RCOR1: variants seen among roughly 807,000 people sequenced by gnomAD.
RCOR1 encodes the protein REST corepressor 1.
A neutral mutation model predicts 64.0 loss-of-function variants in RCOR1; 12 were observed. The ratio of observed to expected loss-of-function variants is 0.19; its 90% CI spans 0.12 to 0.30. The LOEUF is 0.30. Among genes scored for constraint, RCOR1 ranks in the 10% least tolerant of loss-of-function variants. RCOR1 has a pLI of 1.00. For synonymous variants in RCOR1, 279 were observed against 227.2 expected, an observed-to-expected ratio of 1.23 and a Z score of -2.05; for missense variants, 502 against 621.2, an observed-to-expected ratio of 0.81 and a Z score of 2.04.
intron 2 of RCOR1, among the ~76,000 whole-genome samples, chr14:102,608,761 G>T (rs1440877327): frequency 6.6e-6 from 1 of 150,944 alleles, no homozygotes; most frequent in Non-Finnish European, 1.5e-5. Context: ...GACGGGGTTT[G>T]TTTATGTTGG....
chr14:102,684,416 G>A (rs1280317438), intron 3 of RCOR1, among the ~76,000 whole-genome samples: 1 of 152,118 alleles, frequency 6.6e-6, no homozygotes, highest in Admixed American at 6.5e-5. Context: ...GCATAAAAAA[G>A]GATTGACTTT....
intron 8 of RCOR1, among the ~76,000 whole-genome samples, chr14:102,719,792 A>G (rs143780840): frequency 4.6e-4 from 70 of 152,336 alleles, no homozygotes; most frequent in Non-Finnish European, 7.9e-4. Context: ...TGTACTATCT[A>G]TGAACAACCA....
chr14:102,654,004 GA>G (rs1218871399), intron 2 of RCOR1, among the ~76,000 whole-genome samples: 4 of 13,850 alleles, frequency 2.9e-4, no homozygotes, highest in African/African-American at 1.3e-3. Context: ...TTTTTTTTTT[GA>G]GACGGAGTCT....
At chr14:102,594,446 G>A (rs936829847) in intron 2 of RCOR1, among the ~76,000 whole-genome samples, 2 of 152,160 alleles carry the variant, frequency 1.3e-5, no homozygotes, top group African/African-American at 2.4e-5. Flanking sequence ...TTGCTCTCAA[G>A]CTGTTATTAA....
At chr14:102,632,622 T>C (rs1894139457) in intron 2 of RCOR1, among the ~76,000 whole-genome samples, 1 of 34,966 alleles carries the variant, frequency 2.9e-5, no homozygotes, top group South Asian at 1.1e-3. Context: ...TCCTTTCCTT[T>C]CCTTTCCTTT....
At chr14:102,627,630 C>T (rs1894006960) in intron 2 of RCOR1, among the ~76,000 whole-genome samples, 1 of 151,656 alleles carries the variant, frequency 6.6e-6, no homozygotes, top group African/African-American at 2.4e-5. Context: ...GCACTCCAGC[C>T]TGGGCGACAG....
chr14:102,724,406 C>T (rs1322811330), intron 11 of RCOR1, among the ~76,000 whole-genome samples: 1 of 152,032 alleles, frequency 6.6e-6, no homozygotes, highest in Non-Finnish European at 1.5e-5. Context: ...CTCACTGCAA[C>T]CTCCATCTCC....
At chr14:102,679,624 G>A (rs762685957) in intron 2 of RCOR1, among the ~76,000 whole-genome samples, 19 of 151,928 alleles carry the variant, frequency 1.3e-4, no homozygotes, top group African/African-American at 4.1e-4. Context: ...GACTACAGGC[G>A]CCCGCCACCA....
At chr14:102,628,221 A>G (rs1451547985) in intron 2 of RCOR1, among the ~76,000 whole-genome samples, 2 of 152,186 alleles carry the variant, frequency 1.3e-5, no homozygotes, top group African/African-American at 4.8e-5. Flanking sequence ...TAAGGAGGGC[A>G]GTCTGCTTTA....
At chr14:102,601,164 A>G (rs865833858) in intron 2 of RCOR1, among the ~76,000 whole-genome samples, 40 of 151,860 alleles carry the variant, frequency 2.6e-4, no homozygotes, top group South Asian at 6.2e-4. Context: ...ACTCCAGCCT[A>G]GGTGACAAAG....
intron 2 of RCOR1, among the ~76,000 whole-genome samples, chr14:102,606,212 C>T (rs187787564): frequency 4.4e-4 from 67 of 152,306 alleles, no homozygotes; most frequent in African/African-American, 1.5e-3. Context: ...AGGCATGAGC[C>T]ACCGTGCCCG....
At chr14:102,614,725 T>C (rs1039283800) in intron 2 of RCOR1, among the ~76,000 whole-genome samples, 3 of 152,192 alleles carry the variant, frequency 2.0e-5, no homozygotes, top group Admixed American at 1.3e-4. Context: ...AGGGCCGAAC[T>C]CTATAAACTA....
rs920092545 is a variant in RCOR1 at position 102,659,317 on chromosome 14, T to A, written c.362-22578T>A. The A allele has an allele frequency of 9.3e-6, 9 of 967,294 alleles. No homozygotes were observed. In the African/African-American group the frequency reaches 1.4e-4, roughly 15 times the overall value. 59.9% of individuals were successfully genotyped at this position (967,294 alleles called of 1,614,324 possible). On this transcript the variant is annotated intron_variant, in intron 2 of 11. Transcript: ENST00000262241. ...TCATCTGATCAGCATTTATAAATAGTGAGGTACCAGAATCATTAAGGCTCA... is the reference window on the plus strand; with the variant it reads ...TCATCTGATCAGCATTTATAAATAGAGAGGTACCAGAATCATTAAGGCTCA...
At chr14:102,723,808 C>T (rs1489069822) in intron 11 of RCOR1, among the ~76,000 whole-genome samples, 1 of 152,154 alleles carries the variant, frequency 6.6e-6, no homozygotes, top group Non-Finnish European at 1.5e-5. Flanking sequence ...TTTCCGGCTT[C>T]GGTCCCAGGA....
At chr14:102,701,727 A>T (rs1232619283) in intron 4 of RCOR1, among the ~76,000 whole-genome samples, 3 of 152,124 alleles carry the variant, frequency 2.0e-5, no homozygotes, top group Non-Finnish European at 1.5e-5. Flanking sequence ...ATTTTGAATC[A>T]TTTTCAGTTT....
At chr14:102,658,560 C>G (rs1894771469) in intron 2 of RCOR1, 2 of 985,238 alleles carry the variant, frequency 2.0e-6, no homozygotes, top group African/African-American at 1.7e-5. Flanking sequence ...ACTCTTTTCT[C>G]AGGAACAGGA....
At position 102,698,451 on chromosome 14, in the gene RCOR1, C is replaced by A. The variant is rs560569244; in HGVS notation, c.446-2827C>A. On this transcript the variant is annotated intron_variant, in intron 3 of 11. Coordinates refer to ENST00000262241, the MANE Select transcript of RCOR1 (RefSeq NM_015156.4). The stretch of plus-strand genomic sequence containing the variant: ...ATCGTGCTACTGGTGATCATACATA[C>A]ATTCCTTACTCAGTTAAGGTAGATA... Among the ~76,000 whole-genome samples, 22 of 152,372 alleles carry A rather than the reference C, an allele frequency of 1.4e-4. No individual in the cohort carries two copies. In the South Asian group the frequency reaches 3.9e-3, roughly 27 times the overall value.
chr14:102,706,142 A>AAAAAAAAAAAAAAAAAAAAAAAAAAC (rs1281591870), intron 4 of RCOR1, among the ~76,000 whole-genome samples: 2 of 138,644 alleles, frequency 1.4e-5, no homozygotes, highest in African/African-American at 5.4e-5. Flanking sequence ...AAAAAAAAAA[A>AAAAAAAAAAAAAAAAAAAAAAAAAAC]CCTAAAAAAA....
chr14:102,600,251 C>T (rs906815161), intron 2 of RCOR1, among the ~76,000 whole-genome samples: 95 of 151,516 alleles, frequency 6.3e-4, no homozygotes, highest in African/African-American at 2.3e-3. Context: ...CCACGCCCGG[C>T]TAATTTTTTA....
Sources: allele counts gnomAD v4.1 joint callset (sites outside exome capture counted in the v4.1 genomes callset), GRCh38; gene constraint gnomAD v4.1.1; transcripts MANE v1.5; gene names NCBI Gene and HGNC (gene_info 2026-07-23, HGNC 2026-07-21).